SYNE2: variants seen among roughly 807,000 people sequenced by gnomAD.
SYNE2 encodes spectrin repeat containing nuclear envelope protein 2.
SYNE2 carries 431 observed loss-of-function variants against 856.3 expected under a neutral mutation model. That is an observed-to-expected ratio of 0.50 (90% CI 0.47 to 0.55). The LOEUF is 0.55. SYNE2 is among the 20% of genes least tolerant of loss of function. SYNE2 has a pLI of 0.00. For synonymous variants in SYNE2, 2,923 were observed against 2,872.3 expected, an observed-to-expected ratio of 1.02 and a Z score of -0.56; for missense variants, 8,129 against 8,023.2, an observed-to-expected ratio of 1.01 and a Z score of -0.50.
chr14:64,034,369 C>T (rs2097068402), intron 45 of SYNE2: 1 of 403,458 alleles, frequency 2.5e-6, no homozygotes, highest in South Asian at 1.0e-4. Context: ...AATTAATACT[C>T]ACTTCACATG....
At chr14:63,916,741 CTG>C (rs1253840392) in intron 2 of SYNE2, among the ~76,000 whole-genome samples, 3 of 152,170 alleles carry the variant, frequency 2.0e-5, no homozygotes, top group East Asian at 3.9e-4. Flanking sequence ...TACCTTATAA[CTG>C]TGAGTGAATG....
chr14:64,115,528 T>G (rs2097847675), intron 66 of SYNE2, among the ~76,000 whole-genome samples: 1 of 152,126 alleles, frequency 6.6e-6, no homozygotes, highest in Non-Finnish European at 1.5e-5. Flanking sequence ...CCAGGGTTAG[T>G]CTTATCCGTG....
chr14:64,073,871 A>T, intron 52 of SYNE2, 97 bp from the exon 53 acceptor site: 1 of 1,330,224 alleles, frequency 7.5e-7, no homozygotes, highest in Non-Finnish European at 1.1e-6. Flanking sequence ...TTTAGTAGCT[A>T]TTCAGGCATT....
intron 60 of SYNE2, among the ~76,000 whole-genome samples, chr14:64,092,072 A>C (rs916031093): frequency 1.3e-5 from 2 of 152,248 alleles, no homozygotes; most frequent in South Asian, 4.2e-4. Flanking sequence ...AAAAAGATCT[A>C]GCACTCAATG....
chr14:63,947,133 A>T (rs1307130455), intron 6 of SYNE2, among the ~76,000 whole-genome samples: 1 of 152,174 alleles, frequency 6.6e-6, no homozygotes, highest in Non-Finnish European at 1.5e-5. Context: ...TGCAGGTGTG[A>T]GCCACCATGC....
Position 64,051,593 on chromosome 14 carries a change from T to G in SYNE2, c.7680T>G (p.Ile2560Met). Residue 2560 changes from isoleucine (I) to methionine (M), a missense_variant, in exon 48 of 116, where the codon ATT becomes ATG. By Grantham distance (10) the Ile-to-Met change is conservative. Around this residue, in one of 3 missense-constraint regions of SYNE2, gnomAD observed 5,410 missense variants for 5,284.8 expected, o/e 1.02. Transcript: ENST00000555002. ...ACAGTGTAACGTATCTGGACAAAAT[T>G]AAAAAATTCATAGCATCCATAGAAA... ...PLDSVTYLDKIKKFIASIEKE... is the reference protein window; with the variant it reads ...PLDSVTYLDKMKKFIASIEKE... The G allele has an allele frequency of 2.5e-6, 4 of 1,613,580 alleles. No homozygotes were observed. Among genetic ancestry groups the G allele is most frequent in the East Asian group, 2.2e-5 (1 of 44,878 alleles).
chr14:64,209,691 G>A, intron 102 of SYNE2, 113 bp downstream of exon 102: 1 of 1,491,382 alleles, frequency 6.7e-7, no homozygotes, highest in Non-Finnish European at 9.1e-7. Flanking sequence ...TCTGGCAAGG[G>A]CTGCCTAAAC....
chr14:64,210,512 C>G (rs372639155), intron 103 of SYNE2, among the ~76,000 whole-genome samples: 1 of 152,206 alleles, frequency 6.6e-6, no homozygotes, highest in Non-Finnish European at 1.5e-5. Flanking sequence ...TGGGACCCCC[C>G]CCAGCTCTCG....
chr14:64,188,921 A>C (rs770444254), intron 98 of SYNE2: 7 of 707,350 alleles, frequency 9.9e-6, no homozygotes, highest in African/African-American at 1.7e-5. Context: ...GTCAGTGGGC[A>C]TGGTACCGAG....
In SYNE2 at chr14:63,996,988, C is replaced by T. The variant is rs1278857159; in HGVS notation, c.2982C>T (p.His994=). The T allele has an allele frequency of 6.2e-7, 1 of 1,614,118 alleles. No homozygotes were observed. Among genetic ancestry groups the T allele is most frequent in the Non-Finnish European group, 8.5e-7 (1 of 1,180,016 alleles). The part of the protein sequence containing the change: ...SEEGCLYQLN[H]HMEVLRELCE... ...AAGGCTGCCTGTACCAGCTTAATCA[C>T]CACATGGAAGTCCTGAGGGAGCTGT... The change falls in exon 24 of 116, where the codon CAC becomes CAT. Residue 994 remains histidine, a synonymous_variant. Coordinates refer to ENST00000555002, the MANE Select transcript of SYNE2 (RefSeq NM_182914.3).
Position 64,224,504 on chromosome 14 carries a change from G to C in SYNE2, c.20426G>C (p.Gly6809Ala). Reference sequence around the variant, plus strand: ...CCCAGCTTCGACGAGGTAGACTCGGGGGACCAGCCTCCTGCAACATCCGTG... The same window carrying C: ...CCCAGCTTCGACGAGGTAGACTCGGCGGACCAGCCTCCTGCAACATCCGTG... ...PLPSFDEVDS[G>A]DQPPATSVPA... Residue 6809 changes from glycine to alanine, a missense_variant, in exon 114 of 116, where the codon GGG becomes GCG. Around this residue, in one of 3 missense-constraint regions of SYNE2, gnomAD observed 5,410 missense variants for 5,284.8 expected, o/e 1.02. Transcript: ENST00000555002. 6.2e-7 allele frequency: 1 copy of C among 1,614,086 alleles called. No individual in the cohort carries two copies. Among genetic ancestry groups the C allele is most frequent in the South Asian group, 1.1e-5 (1 of 91,074 alleles).
intron 85 of SYNE2, 25 bp from the exon 86 acceptor site, chr14:64,158,600 C>G: frequency 6.2e-7 from 1 of 1,612,996 alleles, no homozygotes; most frequent in Non-Finnish European, 8.5e-7. Context: ...TTTTCTAAAT[C>G]AGTACGTTTC....
At chr14:63,773,223 A>G (rs895517187) in intron 1 of SYNE2, among the ~76,000 whole-genome samples, 10 of 151,982 alleles carry the variant, frequency 6.6e-5, no homozygotes, top group African/African-American at 2.4e-4. Flanking sequence ...TTTTTTGGAC[A>G]GGGTCTCACT....
At chr14:63,797,184 G>C (rs936993565) in intron 1 of SYNE2, among the ~76,000 whole-genome samples, 6 of 151,798 alleles carry the variant, frequency 4.0e-5, no homozygotes, top group Admixed American at 6.6e-5. Flanking sequence ...ATCACCTGAG[G>C]CCAGGAGTTT....
At chr14:63,793,914 G>A (rs1595115736) in intron 1 of SYNE2, among the ~76,000 whole-genome samples, 1 of 150,548 alleles carries the variant, frequency 6.6e-6, no homozygotes, top group Admixed American at 6.7e-5. Flanking sequence ...ACTCCAGCCT[G>A]GGCAACAGAA....
Position 63,967,983 on chromosome 14 carries a change from C to T in SYNE2, c.1128+137C>T, listed in dbSNP as rs1255892. On this transcript the variant is annotated intron_variant, in intron 11 of 115. Transcript: ENST00000555002. ...TTTGATAGCAGCCTGGCCAACATGG[C>T]GAAACCCTGTCTCTACTAAAAATAC... The T allele has an allele frequency of 0.29, 226,767 of 782,042 alleles. 34,044 individuals are homozygous for T. Among genetic ancestry groups the T allele is most frequent in the African/African-American group, 0.37 (21,869 of 58,594 alleles). The allele number at this position is 782,042 out of a possible 1,614,324, so 48.4% of individuals were successfully genotyped here.
chr14:64,218,677 G>A lies in SYNE2; in HGVS notation c.19657+165G>A, dbSNP rs756258309. ...TTTTAAATCAGCGATTGGCATTCAC[G>A]AACAAATTCCTAGGCTGTTCAGTGT... On this transcript the variant is annotated intron_variant, in intron 109 of 115. Coordinates refer to ENST00000555002, the MANE Select transcript of SYNE2 (RefSeq NM_182914.3). Among the ~76,000 whole-genome samples the A allele has an allele frequency of 2.0e-5, 3 of 152,280 alleles. No homozygotes were observed. The East Asian group carries it at 5.8e-4, about 29-fold the overall frequency.
chr14:64,048,008 T>C lies in SYNE2; in HGVS notation c.7230T>C (p.Ala2410=). Reference sequence around the variant, plus strand: ...CTTTTTATGTATTTCAGGATTCAGCTGTGGAAATGGCTATGTCAAAACAAC... The same window carrying C: ...CTTTTTATGTATTTCAGGATTCAGCCGTGGAAATGGCTATGTCAAAACAAC... The part of the protein sequence containing the change: ...EEDWEINKDS[A]VEMAMSKQLS... Residue 2410 remains alanine (A), a synonymous_variant, in exon 46 of 116, where the codon GCT becomes GCC. Coordinates refer to ENST00000555002, the MANE Select transcript of SYNE2 (RefSeq NM_182914.3). 2 of 1,613,754 alleles carry C rather than the reference T, an allele frequency of 1.2e-6. No individual in the cohort carries two copies. The highest frequency in any genetic ancestry group is 1.7e-6 in the Non-Finnish European group (2 of 1,179,818).
intron 1 of SYNE2, among the ~76,000 whole-genome samples, chr14:63,820,089 A>G (rs1889156781): frequency 6.6e-6 from 1 of 152,158 alleles, no homozygotes; most frequent in African/African-American, 2.4e-5. Flanking sequence ...TGAAGACCAT[A>G]ACATTTATAT....
Sources: gnomAD v4.1 joint callset for allele counts (sites outside exome capture counted in the v4.1 genomes callset) on GRCh38, gnomAD v4.1.1 for gene constraint, gnomAD v4.1.1 regional missense constraint, MANE v1.5 for transcripts, NCBI Gene and HGNC (gene_info 2026-07-23, HGNC 2026-07-21) for gene names.